The following KIF14 variants were observed in gnomAD, a reference collection of about 807,000 sequenced individuals.
The protein encoded by KIF14 is kinesin-like protein KIF14.
A neutral mutation model predicts 176.2 loss-of-function variants in KIF14; 98 were observed. The ratio of observed to expected loss-of-function variants is 0.56; its 90% CI spans 0.47 to 0.66. The LOEUF (loss-of-function observed/expected upper bound fraction) is 0.66. Ranked by LOEUF, KIF14 falls within the 30% of genes least tolerant of loss-of-function variation. The probability of loss-of-function intolerance (pLI) is 0.00; values close to 1 mark genes in which losing one functional copy is unlikely to be tolerated. For synonymous variants in KIF14, 566 were observed against 632.2 expected, an observed-to-expected ratio of 0.90 and a Z score of 1.57; for missense variants, 1,751 against 1,920.4, an observed-to-expected ratio of 0.91 and a Z score of 1.65.
In KIF14 at chr1:200,555,394, C is replaced by T. The variant is rs1656780613; in HGVS notation, c.4414G>A (p.Ala1472Thr). ...GCTTCTCTTACAATTTTCGATTCAG[C>T]AAAGATGTTTTCAAGAGATCTAATC... is the stretch of plus-strand genomic sequence containing the variant. ...GLIRSLENIFAESKIKSFRRQ... is the reference protein window; with the variant it reads ...GLIRSLENIFTESKIKSFRRQ... Residue 1472 changes from alanine (A) to threonine (T), a missense_variant, in exon 28 of 30, where the codon GCT becomes ACT. Physicochemically the swap from Ala to Thr is moderately conservative, Grantham distance 58 (BLOSUM62 0). Transcript: ENST00000367350. The T allele has an allele frequency of 6.3e-7, 1 of 1,579,216 alleles. No homozygotes were observed. Among genetic ancestry groups the T allele is most frequent in the Non-Finnish European group, 8.6e-7 (1 of 1,161,730 alleles).
rs1656637624 is a variant in KIF14, at chr1:200,553,172, G to A, written c.*216C>T. ...TTGGCCAGGCCGGTCTCAAACTCCT[G>A]ACCTTGTGATCTGCCCGCCTCCCAA... On this transcript the variant is annotated 3_prime_UTR_variant, in exon 30 of 30. Coordinates refer to ENST00000367350, the MANE Select transcript of KIF14 (RefSeq NM_014875.3). 2.8e-6 allele frequency: 1 copy of A among 353,450 alleles called. No individual in the cohort carries two copies. Among genetic ancestry groups the A allele is most frequent in the East Asian group, 5.3e-5 (1 of 18,864 alleles). The allele number at this position is 353,450 out of a possible 1,614,324, so 21.9% of individuals were successfully genotyped here.
intron 20 of KIF14, 111 bp from the exon 21 acceptor site, chr1:200,580,494 G>T: frequency 4.1e-6 from 2 of 482,302 alleles, no homozygotes; most frequent in Non-Finnish European, 6.7e-6. Context: ...CACTGATTAA[G>T]TCTTTCCACA....
At chr1:200,567,476 C>T (rs1428186135) in intron 23 of KIF14, among the ~76,000 whole-genome samples, 2 of 146,006 alleles carry the variant, frequency 1.4e-5, no homozygotes, top group Non-Finnish European at 3.0e-5. Flanking sequence ...ACCCGGGAGG[C>T]GCAGCTGAGA....
rs763206180 is a variant in KIF14, at chr1:200,553,547, A to G, written c.4788T>C (p.Thr1596=). Residue 1596 remains threonine, a synonymous_variant, in exon 30 of 30, where the codon ACT becomes ACC. Coordinates refer to ENST00000367350, the MANE Select transcript of KIF14 (RefSeq NM_014875.3). ...GTTCTTCTTTGGTATTTTGATTATA[A>G]GTTTCCCAGGGTTTCAACAAATCAG... ...ESPDLLKPWE[T]YNQNTKEEHQ... 3 of 1,613,916 alleles carry G rather than the reference A, an allele frequency of 1.9e-6. No homozygotes were observed. Among genetic ancestry groups the G allele is most frequent in the South Asian group, 2.2e-5 (2 of 91,084 alleles).
chr1:200,614,986 C>T (rs1489409224), intron 3 of KIF14, among the ~76,000 whole-genome samples: 1 of 152,092 alleles, frequency 6.6e-6, no homozygotes, highest in African/African-American at 2.4e-5. Context: ...ATCCTCCTAC[C>T]TCAGCTTCCC....
intron 23 of KIF14, among the ~76,000 whole-genome samples, chr1:200,566,245 TTACTC>T (rs1657441110): frequency 6.6e-6 from 1 of 152,074 alleles, no homozygotes; most frequent in Admixed American, 6.5e-5. Context: ...ATCTCTTTCT[TTACTC>T]TATGGTAGGA....
intron 11 of KIF14, 37 bp from the exon 12 acceptor site, chr1:200,600,540 T>A (rs1191971701): frequency 6.9e-7 from 1 of 1,444,728 alleles, no homozygotes; most frequent in South Asian, 1.2e-5. Context: ...ATAATAACAT[T>A]TAATATATAA....
intron 23 of KIF14, among the ~76,000 whole-genome samples, chr1:200,568,471 T>C (rs1411151766): frequency 6.6e-6 from 1 of 152,230 alleles, no homozygotes; most frequent in African/African-American, 2.4e-5. Context: ...ATACCTTTTA[T>C]GGCTACTCAT....
Position 200,593,753 on chromosome 1 carries a change from C to A in KIF14, c.2566G>T (p.Gly856Cys). The stretch of plus-strand genomic sequence containing the variant: ...ACTGGGATAATACTCACTGTCCCAC[C>A]AAAATTTTTGATAGTACTGTTAAAA... The part of the protein sequence containing the change: ...ADDHCTIKNF[G>C]GTVSIIPVGE... The change falls in exon 15 of 30, where the codon GGT becomes TGT. Residue 856 changes from glycine to cysteine, a missense_variant. By Grantham distance (159) the Gly-to-Cys change is radical. Coordinates refer to ENST00000367350, the MANE Select transcript of KIF14 (RefSeq NM_014875.3). 6.2e-7 allele frequency: 1 copy of A among 1,606,410 alleles called. No homozygotes were observed. Among genetic ancestry groups the A allele is most frequent in the Non-Finnish European group, 8.5e-7 (1 of 1,173,666 alleles).
At chr1:200,566,480 C>A (rs1401014987) in intron 23 of KIF14, among the ~76,000 whole-genome samples, 1 of 151,738 alleles carries the variant, frequency 6.6e-6, no homozygotes, top group East Asian at 2.0e-4. Flanking sequence ...GTAGTTCCAG[C>A]TACCCGGGAG....
At chr1:200,601,861 G>T in intron 11 of KIF14, 35 bp downstream of exon 11, 1 of 1,549,652 alleles carries the variant, frequency 6.5e-7, no homozygotes, top group South Asian at 1.2e-5. Context: ...CTAAACTGTG[G>T]CAAAACAATT....
intron 13 of KIF14, among the ~76,000 whole-genome samples, chr1:200,599,014 A>G (rs930946048): frequency 6.6e-6 from 1 of 152,186 alleles, no homozygotes; most frequent in African/African-American, 2.4e-5. Flanking sequence ...AGAATAGATC[A>G]GTTTGTTTTG....
chr1:200,581,761 C>CTTTTTT (rs66935478), intron 19 of KIF14, among the ~76,000 whole-genome samples: 22 of 83,044 alleles, frequency 2.6e-4, no homozygotes, highest in East Asian at 8.1e-4. Flanking sequence ...TTTCACTTTC[C>CTTTTTT]TTTTTTTTTT....
At chr1:200,617,179 G>A (rs1443035380) in intron 2 of KIF14, among the ~76,000 whole-genome samples, 2 of 152,138 alleles carry the variant, frequency 1.3e-5, no homozygotes, top group Admixed American at 6.5e-5. Context: ...TATTGGCCAG[G>A]CTGGTCTCAA....
chr1:200,598,417 G>C lies in KIF14; in HGVS notation c.2369C>G (p.Ala790Gly). Reference protein sequence around the residue: ...KLQETKELQKAGIMFQMDNHL... With the variant: ...KLQETKELQKGGIMFQMDNHL... ...ATTGTCCATTTGAAACATAATTCCT[G>C]CTTTCTGGTAGAAGTCAGAAAAAGA... Residue 790 changes from alanine to glycine, a missense_variant, in exon 14 of 30, where the codon GCA becomes GGA. Transcript: ENST00000367350. 1 of 1,601,446 alleles carries C rather than the reference G, an allele frequency of 6.2e-7. No individual in the cohort carries two copies. Among genetic ancestry groups the C allele is most frequent in the South Asian group, 1.1e-5 (1 of 87,804 alleles).
intron 4 of KIF14, among the ~76,000 whole-genome samples, chr1:200,610,509 C>CA (rs35647787): frequency 1.2e-3 from 131 of 107,816 alleles, no homozygotes; most frequent in Middle Eastern, 8.9e-3. Context: ...GACTTCCTCT[C>CA]AAAAAAAAAA....
Position 200,564,880 on chromosome 1 carries a change from C to T in KIF14, c.4071+189G>A, listed in dbSNP as rs114706333. On this transcript the variant is annotated intron_variant, in intron 25 of 29. Coordinates refer to ENST00000367350, the MANE Select transcript of KIF14 (RefSeq NM_014875.3). ...TATTTGTAAATCACTTAGAACTACT[C>T]ATACATAGAGAGCCATGTAAGTCTT... Among the ~76,000 whole-genome samples the T allele has an allele frequency of 3.2e-3, 488 of 152,254 alleles. 3 individuals carry two copies. Among genetic ancestry groups the T allele is most frequent in the African/African-American group, 0.011 (446 of 41,564 alleles).
intron 4 of KIF14, among the ~76,000 whole-genome samples, chr1:200,612,881 C>CTTTTTTTT (rs58120760): frequency 6.3e-5 from 5 of 79,128 alleles, no homozygotes; most frequent in Non-Finnish European, 9.5e-5. Context: ...AGTTTATTCT[C>CTTTTTTTT]TTTTTTTTTT....
chr1:200,561,471 G>A (rs1657151269), intron 25 of KIF14, among the ~76,000 whole-genome samples: 1 of 149,350 alleles, frequency 6.7e-6, no homozygotes, highest in Non-Finnish European at 1.5e-5. Flanking sequence ...CCTGGGAGGT[G>A]GAGATTGCAG....
Sources: gnomAD v4.1 joint callset for allele counts (sites outside exome capture counted in the v4.1 genomes callset) on GRCh38, gnomAD v4.1.1 for gene constraint, MANE v1.5 for transcripts, NCBI Gene and HGNC (gene_info 2026-07-23, HGNC 2026-07-21) for gene names.